Variants in KCTD16 observed in about 807,000 individuals in gnomAD.
KCTD16 encodes the protein BTB/POZ domain-containing protein KCTD16.
Under a neutral mutation model 33.2 loss-of-function variants are expected in KCTD16, and 13 were observed. That is an observed-to-expected ratio of 0.39 (90% confidence interval 0.25 to 0.62). The LOEUF is 0.62. KCTD16 is among the 20% of genes least tolerant of loss of function. The probability of loss-of-function intolerance (pLI) is 0.50; values close to 1 mark genes in which losing one functional copy is unlikely to be tolerated. For synonymous variants in KCTD16, 197 were observed against 195.3 expected (o/e 1.01, Z -0.07); for missense variants, 441 against 525.1 (o/e 0.84, Z 1.57).
intron 3 of KCTD16, among the ~76,000 whole-genome samples, chr5:144,299,100 A>T (rs1414534338): frequency 1.4e-4 from 1 of 7,174 alleles, no homozygotes; most frequent in Non-Finnish European, 3.3e-4. Context: ...CACTATGTAT[A>T]TATATATATA....
At chr5:144,343,138 G>T (rs991160275) in intron 3 of KCTD16, among the ~76,000 whole-genome samples, 2 of 152,154 alleles carry the variant, frequency 1.3e-5, no homozygotes, top group Admixed American at 6.5e-5. Context: ...GATTGGAATA[G>T]TTTCAGAAGG....
At chr5:144,418,192 G>A (rs1220637497) in intron 3 of KCTD16, among the ~76,000 whole-genome samples, 1 of 152,170 alleles carries the variant, frequency 6.6e-6, no homozygotes, top group Non-Finnish European at 1.5e-5. Context: ...CATAAAGGTA[G>A]TGCAGACCCA....
At chr5:144,392,126 G>T (rs1350728114) in intron 3 of KCTD16, among the ~76,000 whole-genome samples, 10 of 152,310 alleles carry the variant, frequency 6.6e-5, no homozygotes, top group African/African-American at 1.9e-4. Flanking sequence ...GAAACAAACG[G>T]TGTGGGAGAG....
At chr5:144,330,224 C>T (rs1220358063) in intron 3 of KCTD16, among the ~76,000 whole-genome samples, 2 of 151,882 alleles carry the variant, frequency 1.3e-5, no homozygotes, top group Non-Finnish European at 2.9e-5. Context: ...ACCAGCCCGA[C>T]CAATATGGTG....
Position 144,484,567 on chromosome 5 carries a change from G to T in KCTD16, c.*10453G>T, listed in dbSNP as rs1180177028. On this transcript the variant is annotated 3_prime_UTR_variant, in exon 4 of 4. Transcript: ENST00000512467. Reference sequence around the variant, plus strand: ...TAAAGTTAAAGACCCTGTTGATCAGGTTACCTGGAAATTTCAAGTGCATCT... The same window carrying T: ...TAAAGTTAAAGACCCTGTTGATCAGTTTACCTGGAAATTTCAAGTGCATCT... 1.3e-5 allele frequency: 2 copies of T among 151,914 alleles called. No homozygotes were observed. Among genetic ancestry groups the T allele is most frequent in the African/African-American group, 2.4e-5 (1 of 41,392 alleles). The allele number at this position is 151,914 out of a possible 1,614,324, so 9.4% of individuals were successfully genotyped here. A position where few individuals can be genotyped will look rare whatever the true frequency, so the allele number is the denominator to read the frequency against.
At chr5:144,234,108 A>G (rs1754181086) in intron 3 of KCTD16, among the ~76,000 whole-genome samples, 1 of 152,180 alleles carries the variant, frequency 6.6e-6, no homozygotes. Context: ...TGCATTCCTA[A>G]TCATCTGATG....
intron 3 of KCTD16, among the ~76,000 whole-genome samples, chr5:144,299,635 C>A (rs1751368073): frequency 6.6e-6 from 1 of 151,920 alleles, no homozygotes; most frequent in African/African-American, 2.4e-5. Flanking sequence ...TTATTGAAAG[C>A]CTTGGACAGT....
intron 3 of KCTD16, among the ~76,000 whole-genome samples, chr5:144,303,948 C>G (rs1199679946): frequency 6.6e-6 from 1 of 152,168 alleles, no homozygotes; most frequent in East Asian, 1.9e-4. Flanking sequence ...CTTAAACACA[C>G]TTAAAGATAT....
At chr5:144,195,956 C>T (rs967545977) in intron 2 of KCTD16, among the ~76,000 whole-genome samples, 2 of 152,136 alleles carry the variant, frequency 1.3e-5, no homozygotes, top group Non-Finnish European at 2.9e-5. Flanking sequence ...TGCCAGTTGT[C>T]TCCAAGTCAG....
At chr5:144,208,454 G>A (rs1753259457) in intron 3 of KCTD16, among the ~76,000 whole-genome samples, 2 of 152,180 alleles carry the variant, frequency 1.3e-5, no homozygotes, top group African/African-American at 2.4e-5. Context: ...GAAAGGAAAA[G>A]AGTAAATCAG....
In KCTD16 at chr5:144,341,563, A is replaced by G. The variant is rs117289260; in HGVS notation, c.833-132097A>G. ...CAGGTTTCTATGTTAGACAAAGTGG[A>G]TTAATTTTATTATAAACAAAAACCA... On this transcript the variant is annotated intron_variant, in intron 3 of 3. Transcript: ENST00000512467. Among the ~76,000 whole-genome samples the G allele has an allele frequency of 7.0e-4, 107 of 152,322 alleles. 1 individual carries two copies. The East Asian group carries it at 0.018, about 25-fold the overall frequency.
At chr5:144,203,872 A>T (rs1753100065) in intron 2 of KCTD16, among the ~76,000 whole-genome samples, 1 of 152,210 alleles carries the variant, frequency 6.6e-6, no homozygotes, top group African/African-American at 2.4e-5. Context: ...AGAAAATCTA[A>T]ATGTTTTGGC....
At chr5:144,326,689 A>C (rs572380190) in intron 3 of KCTD16, among the ~76,000 whole-genome samples, 3 of 151,612 alleles carry the variant, frequency 2.0e-5, no homozygotes, top group Non-Finnish European at 4.4e-5. Flanking sequence ...TTTGTAATTC[A>C]CAAAAAAAAA....
At chr5:144,210,538 T>G (rs1294622219) in intron 3 of KCTD16, among the ~76,000 whole-genome samples, 1 of 152,148 alleles carries the variant, frequency 6.6e-6, no homozygotes, top group Admixed American at 6.5e-5. Context: ...ACCAACTGAC[T>G]GAATAATTAC....
At chr5:144,200,177 A>T in intron 2 of KCTD16, among the ~76,000 whole-genome samples, 1 of 151,434 alleles carries the variant, frequency 6.6e-6, no homozygotes, top group Non-Finnish European at 1.5e-5. Context: ...TTTAAAGATC[A>T]AATCTCAAAA....
intron 2 of KCTD16, among the ~76,000 whole-genome samples, chr5:144,191,226 G>T (rs533513202): frequency 6.6e-5 from 10 of 152,342 alleles, no homozygotes; most frequent in Non-Finnish European, 1.2e-4. Flanking sequence ...TGAGCAAAGG[G>T]ATGCTGGGGA....
chr5:144,389,091 A>G (rs963011325), intron 3 of KCTD16, among the ~76,000 whole-genome samples: 1 of 152,162 alleles, frequency 6.6e-6, no homozygotes, highest in Non-Finnish European at 1.5e-5. Flanking sequence ...AGCTCCCTGT[A>G]TGGTTGCCTA....
intron 3 of KCTD16, among the ~76,000 whole-genome samples, chr5:144,414,140 C>T (rs2126956023): frequency 6.6e-6 from 1 of 152,228 alleles, no homozygotes; most frequent in Admixed American, 6.5e-5. Context: ...TTCAGAAAAA[C>T]TTAGTTCTGC....
Position 144,224,386 on chromosome 5 carries a change from T to TTG in KCTD16, c.832+16841_832+16842insGT, listed in dbSNP as rs1336020683. 4.2e-5 allele frequency among the ~76,000 whole-genome samples: 6 copies of TTG among 141,630 alleles called. No homozygotes were observed. In the South Asian group the frequency reaches 8.6e-4, roughly 20 times the overall value. 92.9% of individuals were successfully genotyped at this position (141,630 alleles called of 152,430 possible). Reference sequence around the variant, plus strand: ...TTTTATTGGATCAATATAATGTGTTTTTTTTTTTTTTTTTTTTTCCTCCAA... The same window carrying TTG: ...TTTTATTGGATCAATATAATGTGTTTTGTTTTTTTTTTTTTTTTTTCCTCCAA... On this transcript the variant is annotated intron_variant, in intron 3 of 3. Coordinates refer to ENST00000512467, the MANE Select transcript of KCTD16 (RefSeq NM_020768.4).
Sources: gnomAD v4.1 joint callset for allele counts (sites outside exome capture counted in the v4.1 genomes callset) on GRCh38, gnomAD v4.1.1 for gene constraint, MANE v1.5 for transcripts, NCBI Gene and HGNC (gene_info 2026-07-23, HGNC 2026-07-21) for gene names.